BBS9: variants seen among roughly 807,000 people sequenced by gnomAD.
BBS9 encodes the protein protein PTHB1.
Under a neutral mutation model 117.7 loss-of-function variants are expected in BBS9, and 89 were observed. The ratio of observed to expected loss-of-function variants is 0.76; its 90% CI spans 0.64 to 0.90. BBS9 has a LOEUF of 0.90. Ranked by LOEUF, BBS9 falls within the 40% of genes least tolerant of loss-of-function variation. The pLI, the probability that BBS9 is intolerant of heterozygous loss-of-function variation, is 0.00. For missense variants in BBS9, 982 were observed against 1,042.2 expected (o/e 0.94, Z 0.80); for synonymous variants, 379 against 370.9 (o/e 1.02, Z -0.25).
At chr7:33,331,642 C>G in intron 9 of BBS9, among the ~76,000 whole-genome samples, 1 of 144,018 alleles carries the variant, frequency 6.9e-6, no homozygotes, top group South Asian at 2.3e-4. Context: ...ATGAAGAACT[C>G]AGTCCCTTTT....
chr7:33,365,007 C>T (rs952084704), intron 16 of BBS9, among the ~76,000 whole-genome samples: 14 of 151,812 alleles, frequency 9.2e-5, no homozygotes, highest in African/African-American at 2.2e-4. Flanking sequence ...AGACTTACTG[C>T]GCCCAGCTGT....
At chr7:33,172,680 C>T (rs1796770389) in intron 4 of BBS9, among the ~76,000 whole-genome samples, 1 of 152,182 alleles carries the variant, frequency 6.6e-6, no homozygotes, top group Non-Finnish European at 1.5e-5. Flanking sequence ...ATTAATCTTC[C>T]AGTTACTTGT....
chr7:33,535,365 G>C (rs143874795), intron 21 of BBS9, among the ~76,000 whole-genome samples: 1 of 152,284 alleles, frequency 6.6e-6, no homozygotes, highest in Non-Finnish European at 1.5e-5. Flanking sequence ...CGTTGTTATG[G>C]ATATATGCAT....
intron 7 of BBS9, 46 bp from the exon 8 acceptor site, chr7:33,272,966 T>A (rs200319644): frequency 6.3e-7 from 1 of 1,593,012 alleles, no homozygotes; most frequent in East Asian, 2.2e-5. Context: ...ATAACTGAAA[T>A]TTTCTGAGGT....
intron 21 of BBS9, among the ~76,000 whole-genome samples, chr7:33,624,256 CT>C (rs1455088404): frequency 6.6e-6 from 1 of 152,066 alleles, no homozygotes; most frequent in East Asian, 1.9e-4. Context: ...CTGAATATGA[CT>C]TTTATAACTA....
intron 21 of BBS9, among the ~76,000 whole-genome samples, chr7:33,540,527 C>T (rs1444732874): frequency 6.6e-6 from 1 of 152,210 alleles, no homozygotes; most frequent in East Asian, 1.9e-4. Context: ...TCTCCTCTTG[C>T]TCTTTCTCTT....
At chr7:33,567,406 T>C (rs146505059) in intron 21 of BBS9, among the ~76,000 whole-genome samples, 47 of 152,298 alleles carry the variant, frequency 3.1e-4, no homozygotes, top group African/African-American at 1.1e-3. Flanking sequence ...TTATTTCTCT[T>C]AACTTTTGAG....
At chr7:33,171,864 G>T (rs1796628117) in intron 4 of BBS9, among the ~76,000 whole-genome samples, 1 of 151,888 alleles carries the variant, frequency 6.6e-6, no homozygotes, top group Admixed American at 6.6e-5. Context: ...AGTCATTCTG[G>T]GTGCCAAGTA....
intron 20 of BBS9, among the ~76,000 whole-genome samples, chr7:33,506,481 T>C (rs1368293620): frequency 6.6e-6 from 1 of 152,180 alleles, no homozygotes; most frequent in Non-Finnish European, 1.5e-5. Flanking sequence ...GTACCAGGTG[T>C]TAAGTGTTTT....
rs575241326 is a variant in BBS9, at chr7:33,424,067, A to G, written c.2115+35923A>G. The stretch of plus-strand genomic sequence containing the variant: ...GTCTGTCTCAAACTTGACATTAACT[A>G]ATGATGAACTTTGCTTTTCTCATCA... On this transcript the variant is annotated intron_variant, in intron 19 of 22. Transcript: ENST00000242067. 2.3e-3 allele frequency among the ~76,000 whole-genome samples: 346 copies of G among 152,284 alleles called. 1 individual carries two copies. Among genetic ancestry groups the G allele is most frequent in the Middle Eastern group, 0.02 (6 of 294 alleles).
chr7:33,332,986 C>G (rs77649551), intron 9 of BBS9, among the ~76,000 whole-genome samples: 3 of 152,094 alleles, frequency 2.0e-5, no homozygotes, highest in East Asian at 1.9e-4. Context: ...AAGACTGTAT[C>G]TCTCAACCCC....
chr7:33,388,052 G>C lies in BBS9; in HGVS notation c.2023G>C (p.Ala675Pro). ...ATCTGAGAGAGCTGTACAATTTCGG[G>C]CCATTCAACGCCGGCTACTAGCAAG... Reference protein sequence around the residue: ...LLSERAVQFRAIQRRLLARFK... With the variant: ...LLSERAVQFRPIQRRLLARFK... Residue 675 changes from alanine (A) to proline (P), a missense_variant, in exon 19 of 23, where the codon GCC becomes CCC. Physicochemically the swap from Ala to Pro is conservative, Grantham distance 27 (BLOSUM62 -1). Coordinates refer to ENST00000242067, the MANE Select transcript of BBS9 (RefSeq NM_198428.3). The C allele has an allele frequency of 6.2e-7, 1 of 1,614,080 alleles. No individual in the cohort carries two copies. Among genetic ancestry groups the C allele is most frequent in the Non-Finnish European group, 8.5e-7 (1 of 1,179,996 alleles).
chr7:33,188,994 A>T (rs1398731728), intron 5 of BBS9, among the ~76,000 whole-genome samples: 1 of 152,022 alleles, frequency 6.6e-6, no homozygotes, highest in Non-Finnish European at 1.5e-5. Flanking sequence ...AAAAAATTTG[A>T]CCTGAATACA....
chr7:33,560,748 TAAGCA>T, intron 21 of BBS9, among the ~76,000 whole-genome samples: 1 of 152,204 alleles, frequency 6.6e-6, no homozygotes, highest in Admixed American at 6.5e-5. Context: ...TGTTTATTCT[TAAGCA>T]TCTCTAGGGA....
intron 5 of BBS9, among the ~76,000 whole-genome samples, chr7:33,196,472 G>A (rs1386178334): frequency 6.6e-6 from 1 of 152,128 alleles, no homozygotes; most frequent in Non-Finnish European, 1.5e-5. Context: ...TGCTTTTTTT[G>A]TGTGGGGGTG....
chr7:33,395,974 A>G (rs1014597981), intron 19 of BBS9, among the ~76,000 whole-genome samples: 18 of 152,136 alleles, frequency 1.2e-4, no homozygotes, highest in African/African-American at 4.3e-4. Flanking sequence ...TAAGAGCTAA[A>G]AGGAAATTCT....
At chr7:33,399,139 G>GCTAT (rs1161493025) in intron 19 of BBS9, among the ~76,000 whole-genome samples, 3 of 152,124 alleles carry the variant, frequency 2.0e-5, no homozygotes, top group African/African-American at 7.2e-5. Flanking sequence ...GCTATATGTG[G>GCTAT]CTATCTATTA....
At chr7:33,451,102 A>G (rs1837777975) in intron 19 of BBS9, among the ~76,000 whole-genome samples, 1 of 151,856 alleles carries the variant, frequency 6.6e-6, no homozygotes, top group Non-Finnish European at 1.5e-5. Context: ...GTTAGCCAGG[A>G]TGGTCTCGAT....
intron 9 of BBS9, among the ~76,000 whole-genome samples, chr7:33,323,775 G>A (rs1333529291): frequency 2.0e-5 from 3 of 149,744 alleles, no homozygotes; most frequent in African/African-American, 7.4e-5. Flanking sequence ...ACTTACTCCT[G>A]CCATTTTGTT....
Sources: gnomAD v4.1 joint callset for allele counts (sites outside exome capture counted in the v4.1 genomes callset) on GRCh38, gnomAD v4.1.1 for gene constraint, MANE v1.5 for transcripts, NCBI Gene and HGNC (gene_info 2026-07-23, HGNC 2026-07-21) for gene names.